Variants in AP3D1 observed in about 807,000 individuals in gnomAD.
AP3D1 encodes AP-3 complex subunit delta-1.
A neutral mutation model predicts 147.6 loss-of-function variants in AP3D1; 51 were observed. The observed-to-expected ratio is 0.35, with a 90% confidence interval of 0.28 to 0.44. The LOEUF (loss-of-function observed/expected upper bound fraction) is 0.44, where lower values mean the gene tolerates loss of function less well. AP3D1 is among the 20% of genes least tolerant of loss of function. The pLI is 1.00. For synonymous variants in AP3D1, 760 were observed against 663.0 expected (o/e 1.15, Z -2.25); for missense variants, 1,421 against 1,624.2 (o/e 0.87, Z 2.15).
chr19:2,136,120 C>G (rs1335792218), intron 4 of AP3D1, among the ~76,000 whole-genome samples: 2 of 152,238 alleles, frequency 1.3e-5, no homozygotes, highest in Non-Finnish European at 2.9e-5. Context: ...GACCCAAGAG[C>G]CCCACGGCAT....
In AP3D1 at chr19:2,121,165, C is replaced by T. The variant is rs1382746632; in HGVS notation, c.1248G>A (p.Glu416=). The change falls in exon 13 of 32, where the codon GAG becomes GAA. Residue 416 remains glutamate (E), a splice_region_variant and synonymous_variant. Coordinates refer to ENST00000643116, the MANE Select transcript of AP3D1 (RefSeq NM_001261826.3). ...ACACCCCTGGGAGCGGGACGCACCACTCGAAGTTGGTGATGTACTGGTAGT... is the reference window on the plus strand; with the variant it reads ...ACACCCCTGGGAGCGGGACGCACCATTCGAAGTTGGTGATGTACTGGTAGT... The part of the protein sequence containing the change: ...QSNYQYITNF[E]WYISILVELT... 8 of 1,614,032 alleles carry T rather than the reference C, an allele frequency of 5.0e-6. No homozygotes were observed. The highest frequency in any genetic ancestry group is 4.5e-5 in the East Asian group (2 of 44,900).
intron 1 of AP3D1, among the ~76,000 whole-genome samples, chr19:2,145,729 G>A (rs947336956): frequency 6.6e-6 from 1 of 152,108 alleles, no homozygotes; most frequent in East Asian, 1.9e-4. Flanking sequence ...GCCCCTCCAG[G>A]ACCCACATGC....
intron 26 of AP3D1, 34 bp downstream of exon 26, chr19:2,111,251 G>A (rs1568277078): frequency 6.2e-7 from 1 of 1,612,926 alleles, no homozygotes; most frequent in East Asian, 2.2e-5. Context: ...GTGTGGGCTG[G>A]CCCACCCTGC....
intron 31 of AP3D1, 83 bp downstream of exon 31, chr19:2,108,604 G>A: frequency 1.5e-6 from 2 of 1,325,902 alleles, no homozygotes; most frequent in African/African-American, 2.9e-5. Flanking sequence ...AAGTCCCAAA[G>A]CGCGCCTCTG....
intron 29 of AP3D1, chr19:2,109,516 G>T: frequency 2.1e-6 from 1 of 483,986 alleles, no homozygotes; most frequent in Non-Finnish European, 3.7e-6. Flanking sequence ...ATGCAGGCAC[G>T]CAGAGGACGG....
chr19:2,134,413 C>G (rs892768305), intron 4 of AP3D1, among the ~76,000 whole-genome samples: 3 of 148,282 alleles, frequency 2.0e-5, no homozygotes, highest in East Asian at 2.1e-4. Flanking sequence ...AGAGCAAAAC[C>G]CTGTCTCAAA....
At chr19:2,150,063 C>G (rs1332889539) in intron 1 of AP3D1, among the ~76,000 whole-genome samples, 1 of 152,206 alleles carries the variant, frequency 6.6e-6, no homozygotes, top group Non-Finnish European at 1.5e-5. Context: ...GGCGAAGCCA[C>G]ACCACTTCCA....
chr19:2,154,013 T>G (rs2019625452), upstream of AP3D1, among the ~76,000 whole-genome samples: 1 of 150,392 alleles, frequency 6.6e-6, no homozygotes, highest in Admixed American at 6.7e-5. Flanking sequence ...AGTGGTGCGA[T>G]CTCAGCTCAC....
At chr19:2,117,092 C>T (rs565277758) in intron 16 of AP3D1, 130 bp downstream of exon 16, 171 of 1,221,038 alleles carry the variant, frequency 1.4e-4, no homozygotes, top group Non-Finnish European at 1.8e-4. Flanking sequence ...GGGATATACC[C>T]GCCTGAGGCC....
chr19:2,125,338 G>A (rs1282601303), intron 9 of AP3D1, among the ~76,000 whole-genome samples: 1 of 152,038 alleles, frequency 6.6e-6, no homozygotes, highest in Non-Finnish European at 1.5e-5. Flanking sequence ...TTTTTGAGAA[G>A]AAGTTTCGCT....
At position 2,136,274 on chromosome 19, in the gene AP3D1, T is replaced by C. The variant is rs368778189; in HGVS notation, c.354+737A>G. 2.9e-3 allele frequency among the ~76,000 whole-genome samples: 449 copies of C among 152,312 alleles called. 1 individual carries two copies. Among genetic ancestry groups the C allele is most frequent in the African/African-American group, 0.01 (419 of 41,566 alleles). On this transcript the variant is annotated intron_variant, in intron 4 of 31. Coordinates refer to ENST00000643116, the MANE Select transcript of AP3D1 (RefSeq NM_001261826.3). ...CAGTCACAGCCAGTGCCCCCACACC[T>C]GTCCCTCGGCGTGCTGGGAGCCCCC...
intron 4 of AP3D1, among the ~76,000 whole-genome samples, chr19:2,136,065 G>A (rs949767121): frequency 3.3e-5 from 5 of 150,626 alleles, no homozygotes; most frequent in East Asian, 2.0e-4. Flanking sequence ...ACACGGCCAC[G>A]ACCCAAGAAG....
chr19:2,135,394 G>C (rs979909919), intron 4 of AP3D1, among the ~76,000 whole-genome samples: 1 of 151,944 alleles, frequency 6.6e-6, no homozygotes, highest in Non-Finnish European at 1.5e-5. Context: ...AAATTAGCCA[G>C]GCATGGTGGC....
intron 1 of AP3D1, among the ~76,000 whole-genome samples, chr19:2,160,128 C>A (rs1485215186): frequency 1.3e-5 from 2 of 150,250 alleles, no homozygotes; most frequent in Admixed American, 6.6e-5. Flanking sequence ...GAATTACAGG[C>A]GTGAGCCACC....
intron 31 of AP3D1, among the ~76,000 whole-genome samples, chr19:2,107,100 A>G (rs1051433138): frequency 6.6e-6 from 1 of 151,752 alleles, no homozygotes; most frequent in Non-Finnish European, 1.5e-5. Context: ...TGTCTCTACT[A>G]AAAATACAAA....
At position 2,156,621 on chromosome 19, in the gene AP3D1, C is replaced by G. The variant is rs149110946; in HGVS notation, c.-103+7735G>C. Among the ~76,000 whole-genome samples the G allele has an allele frequency of 6.6e-5, 10 of 152,060 alleles. No individual in the cohort carries two copies. In the South Asian group the frequency reaches 1.7e-3, roughly 25 times the overall value. On this transcript the variant is annotated intron_variant, in intron 1 of 14. Coordinates refer to the AP3D1 transcript ENST00000643010. ...ATCCCAGCCCTTTGGGAGGTTGAGG[C>G]GGGTGGATCATGGGGTCAGGAGATC...
At chr19:2,128,559 G>A (rs1352071197) in intron 8 of AP3D1, among the ~76,000 whole-genome samples, 13 of 90,744 alleles carry the variant, frequency 1.4e-4, no homozygotes, top group African/African-American at 5.0e-4. Flanking sequence ...CCACAGCTCC[G>A]ACACTGCACC....
chr19:2,152,826 AGATC>A (rs894184432), upstream of AP3D1, among the ~76,000 whole-genome samples: 1 of 151,990 alleles, frequency 6.6e-6, no homozygotes, highest in African/African-American at 2.4e-5. Context: ...CAGTGAGCCG[AGATC>A]GCGCCACTGC....
chr19:2,117,135 G>C lies in AP3D1; in HGVS notation c.1859+87C>G, dbSNP rs2018478352. ...AGCCCCACACCCTCCTGGCTGTTCA[G>C]GGGTGCAGGAGCCCCCGCTGTGCCA... is the stretch of plus-strand genomic sequence containing the variant. On this transcript the variant is annotated intron_variant, in intron 16 of 31. Coordinates refer to ENST00000643116, the MANE Select transcript of AP3D1 (RefSeq NM_001261826.3). 2.0e-6 allele frequency: 3 copies of C among 1,470,794 alleles called. No homozygotes were observed. The African/African-American group carries it at 4.3e-5, about 21-fold the overall frequency. 91.1% of individuals were successfully genotyped at this position (1,470,794 alleles called of 1,614,324 possible). A position where few individuals can be genotyped will look rare whatever the true frequency, so the allele number is the denominator to read the frequency against.
Sources: allele counts gnomAD v4.1 joint callset (sites outside exome capture counted in the v4.1 genomes callset), GRCh38; gene constraint gnomAD v4.1.1; transcripts MANE v1.5; gene names NCBI Gene and HGNC (gene_info 2026-07-23, HGNC 2026-07-21).